PURG: variants seen among roughly 807,000 people sequenced by gnomAD.
The protein encoded by PURG is purine rich element binding protein G, also known as purine-rich element-binding protein gamma.
In PURG, 3 loss-of-function variants were observed where a neutral mutation model predicts 24.3. That is an observed-to-expected ratio of 0.12 (90% CI 0.06 to 0.32). PURG has a LOEUF of 0.32. PURG is among the 10% of genes least tolerant of loss of function. The pLI, the probability that PURG is intolerant of heterozygous loss-of-function variation, is 1.00. For synonymous variants in PURG, 180 were observed against 173.1 expected (o/e 1.04, Z -0.31); for missense variants, 371 against 439.1 (o/e 0.84, Z 1.39).
chr8:31,010,757 A>G (rs1810747217), intron 1 of PURG, among the ~76,000 whole-genome samples: 1 of 152,200 alleles, frequency 6.6e-6, no homozygotes, highest in Non-Finnish European at 1.5e-5. Flanking sequence ...ACTAATCTAA[A>G]TCAGGAGTTT....
chr8:31,004,154 T>C (rs375573900), intron 1 of PURG, among the ~76,000 whole-genome samples: 3 of 152,138 alleles, frequency 2.0e-5, no homozygotes, highest in African/African-American at 7.2e-5. Context: ...TGGCAAACAA[T>C]TTAATTAGGA....
chr8:31,032,744 G>A lies in PURG; in HGVS notation c.39C>T (p.Arg13=), dbSNP rs779508544. ...RARRRGGGGG[R]GRGGKNVGGS... is the part of the protein sequence containing the mutation. ...CCCCTACATTCTTGCCTCCGCGGCC[G>A]CGGCCGCCGCCGCCTCCCCTTCGCC... The change falls in exon 2 of 2, where the codon CGC becomes CGT. Residue 13 remains arginine (R), a synonymous_variant. Coordinates refer to ENST00000523392, the MANE Select transcript of PURG (RefSeq NM_001323311.2). The surrounding 1 kb of genome is among the most constrained non-coding windows in gnomAD (Gnocchi z 5.9). The A allele has an allele frequency of 1.1e-4, 164 of 1,435,314 alleles. No homozygotes were observed. The highest frequency in any genetic ancestry group is 1.4e-4 in the Non-Finnish European group (151 of 1,091,406). 88.9% of individuals were successfully genotyped at this position (1,435,314 alleles called of 1,614,324 possible). A position where few individuals can be genotyped will look rare whatever the true frequency, so the allele number is the denominator to read the frequency against.
At chr8:31,016,379 C>A (rs1810864128) in intron 1 of PURG, among the ~76,000 whole-genome samples, 1 of 150,060 alleles carries the variant, frequency 6.7e-6, no homozygotes. Flanking sequence ...GACTCTGTCT[C>A]AAAAATAAAT....
At chr8:31,001,760 A>G (rs1424005995) in intron 1 of PURG, among the ~76,000 whole-genome samples, 1 of 152,160 alleles carries the variant, frequency 6.6e-6, no homozygotes, top group Non-Finnish European at 1.5e-5. Flanking sequence ...TCACCCATAC[A>G]ATGTGGTAGG....
chr8:31,017,188 C>T (rs1474633909), intron 1 of PURG, among the ~76,000 whole-genome samples: 1 of 152,002 alleles, frequency 6.6e-6, no homozygotes, highest in Non-Finnish European at 1.5e-5. Context: ...TGTTTTTTCC[C>T]TCTCCCTGTA....
intron 1 of PURG, among the ~76,000 whole-genome samples, chr8:31,013,052 A>G (rs1349674110): frequency 6.6e-6 from 1 of 152,234 alleles, no homozygotes; most frequent in Non-Finnish European, 1.5e-5. Flanking sequence ...AATTTTTTAT[A>G]TAAATATAAA....
chr8:30,996,368 T>TA (rs1324191607), exon 2 of PURG: 85 of 346,156 alleles, frequency 2.5e-4, no homozygotes, highest in Non-Finnish European at 3.3e-4. Context: ...CTTGATGAAT[T>TA]AAAAAAAACA....
intron 1 of PURG, among the ~76,000 whole-genome samples, chr8:31,014,063 G>A (rs1188693659): frequency 6.6e-6 from 1 of 151,904 alleles, no homozygotes; most frequent in Non-Finnish European, 1.5e-5. Flanking sequence ...GAAAAAATGA[G>A]ATTCAATAAT....
chr8:31,002,159 C>A (rs575164285), intron 1 of PURG, among the ~76,000 whole-genome samples: 1 of 152,122 alleles, frequency 6.6e-6, no homozygotes, highest in African/African-American at 2.4e-5. Flanking sequence ...CTGGGGACTA[C>A]TAGTTCTTCA....
chr8:31,013,858 T>C (rs1369604501), intron 1 of PURG, among the ~76,000 whole-genome samples: 4 of 152,136 alleles, frequency 2.6e-5, no homozygotes. Context: ...TAAATAAACT[T>C]CTGTGATTTT....
chr8:31,001,814 T>A (rs1341292442), intron 1 of PURG, among the ~76,000 whole-genome samples: 1 of 152,164 alleles, frequency 6.6e-6, no homozygotes, highest in Non-Finnish European at 1.5e-5. Context: ...TACTCACTCT[T>A]GAAGTGGTAC....
downstream of PURG, among the ~76,000 whole-genome samples, chr8:31,028,073 T>C (rs1811123465): frequency 6.6e-6 from 1 of 151,860 alleles, no homozygotes; most frequent in Admixed American, 6.6e-5. Context: ...GAAACAATGA[T>C]TGAAAAAAAT....
At chr8:31,000,172 T>G (rs182239162) in intron 1 of PURG, among the ~76,000 whole-genome samples, 133 of 152,244 alleles carry the variant, frequency 8.7e-4, no homozygotes, top group Non-Finnish European at 1.5e-3. Flanking sequence ...GTTATTAATT[T>G]TCATGCTTCT....
At position 31,020,970 on chromosome 8, in the gene PURG, C is replaced by T. The variant is rs556872947; in HGVS notation, c.864+10949G>A. 6.3e-4 allele frequency among the ~76,000 whole-genome samples: 96 copies of T among 152,268 alleles called. 1 individual carries two copies. The highest frequency in any genetic ancestry group is 3.7e-4 in the Non-Finnish European group (25 of 68,014). Reference sequence around the variant, plus strand: ...GGCCAGCAATCTGTGGTTTAACAAACCATCAAGATGATTTGTATTCACACT... The same window carrying T: ...GGCCAGCAATCTGTGGTTTAACAAATCATCAAGATGATTTGTATTCACACT... On this transcript the variant is annotated intron_variant, in intron 1 of 1. Coordinates refer to the PURG transcript ENST00000339382.
chr8:31,031,161 A>C lies in PURG; in HGVS notation c.*578T>G, dbSNP rs920804416. 1 of 152,850 alleles carries C rather than the reference A, an allele frequency of 6.5e-6. No individual in the cohort carries two copies. The highest frequency in any genetic ancestry group is 2.4e-5 in the African/African-American group (1 of 41,456). The allele number at this position is 152,850 out of a possible 1,614,324, so 9.5% of individuals were successfully genotyped here. ...GAATACTATAGTATTCTTAAGAAAT[A>C]TTATGACATTATATTTTTAAGGTTT... On this transcript the variant is annotated 3_prime_UTR_variant, in exon 2 of 2. Transcript: ENST00000523392.
Position 31,032,649 on chromosome 8 carries a change from G to A in PURG, c.134C>T (p.Ser45Leu), listed in dbSNP as rs991516463. Residue 45 changes from serine (S) to leucine (L), a missense_variant, in exon 2 of 2, where the codon TCA becomes TTA. Coordinates refer to ENST00000523392, the MANE Select transcript of PURG (RefSeq NM_001323311.2). The surrounding 1 kb of genome is among the most constrained non-coding windows in gnomAD (Gnocchi z 5.9). ...GCCCCCGGCCTGATTAGGGGTGGCT[G>A]AGGCCGCGTAGTGGGGGTAGTGGGA... ...QHSHYPHYAA[S>L]ATPNQAGGAA... The A allele has an allele frequency of 1.3e-6, 2 of 1,579,682 alleles. No homozygotes were observed. The highest frequency in any genetic ancestry group is 1.7e-6 in the Non-Finnish European group (2 of 1,161,252).
chr8:31,018,271 A>G (rs1033790114), intron 1 of PURG, among the ~76,000 whole-genome samples: 6 of 152,252 alleles, frequency 3.9e-5, no homozygotes, highest in African/African-American at 1.4e-4. Context: ...CAGTAAATTA[A>G]CAGAAGGCCT....
intron 1 of PURG, among the ~76,000 whole-genome samples, chr8:31,018,884 T>C (rs1489845199): frequency 6.6e-6 from 1 of 151,590 alleles, no homozygotes; most frequent in South Asian, 2.1e-4. Flanking sequence ...GGTTTTATTA[T>C]TGGGAGGCTG....
At chr8:31,029,822 A>G (rs1811159696), downstream of PURG, among the ~76,000 whole-genome samples, 1 of 151,914 alleles carries the variant, frequency 6.6e-6, no homozygotes, top group South Asian at 2.1e-4. Flanking sequence ...GCAAGCCTAC[A>G]TAGTTATTTT....
Sources: gnomAD v4.1 joint callset for allele counts (sites outside exome capture counted in the v4.1 genomes callset) on GRCh38, gnomAD v4.1.1 for gene constraint, Gnocchi (gnomAD v3.1) non-coding constraint, MANE v1.5 for transcripts, NCBI Gene and HGNC (gene_info 2026-07-23, HGNC 2026-07-21) for gene names.